The following PRKG1 variants were observed in gnomAD, a reference collection of about 807,000 sequenced individuals.
PRKG1 encodes protein kinase cGMP-dependent 1, also known as cGMP-dependent protein kinase 1.
In PRKG1, 35 loss-of-function variants were observed where a neutral mutation model predicts 88.1. The observed-to-expected ratio is 0.40, with a 90% CI of 0.30 to 0.53. The LOEUF is 0.53. Among genes scored for constraint, PRKG1 ranks in the 20% least tolerant of loss-of-function variants. PRKG1 has a pLI of 0.59. For missense variants in PRKG1, 540 were observed against 839.8 expected (o/e 0.64, Z 4.41); for synonymous variants, 303 against 292.5 (o/e 1.04, Z -0.37).
At chr10:52,081,437 T>C (rs902991727) in intron 7 of PRKG1, among the ~76,000 whole-genome samples, 2 of 152,334 alleles carry the variant, frequency 1.3e-5, no homozygotes, top group African/African-American at 2.4e-5. Flanking sequence ...AGACAGATCC[T>C]GATAAATGTT....
At chr10:52,000,515 C>T (rs1355202828) in intron 5 of PRKG1, among the ~76,000 whole-genome samples, 1 of 151,962 alleles carries the variant, frequency 6.6e-6, no homozygotes, top group Non-Finnish European at 1.5e-5. Context: ...CGAACATGGC[C>T]TGTATTTTGT....
In PRKG1 at chr10:52,217,352, C is replaced by CTATCTA. The variant is rs1554818276; in HGVS notation, c.1077-34215_1077-34214insCTATAT. Among the ~76,000 whole-genome samples, 677 of 150,010 alleles carry CTATCTA rather than the reference C, an allele frequency of 4.5e-3. 3 individuals are homozygous for CTATCTA. The highest frequency in any genetic ancestry group is 0.015 in the African/African-American group (597 of 40,742). On this transcript the variant is annotated intron_variant, in intron 9 of 17. Coordinates refer to ENST00000373980, the MANE Select transcript of PRKG1 (RefSeq NM_006258.4). ...CGTACACATTTATATATCTATCTAT[C>CTATCTA]TATATATATATATACACATATACAC... is the stretch of plus-strand genomic sequence containing the variant.
chr10:52,131,264 T>C lies in PRKG1; in HGVS notation c.936-2576T>C, dbSNP rs562043427. Among the ~76,000 whole-genome samples the C allele has an allele frequency of 7.2e-5, 11 of 152,254 alleles. No homozygotes were observed. In the South Asian group the frequency reaches 2.3e-3, roughly 32 times the overall value. ...CTATGGTCCCGGCCCTCATAGGGTT[T>C]AGTGGAAGGAAGACAGAGTTATTAA... On this transcript the variant is annotated intron_variant, in intron 7 of 17. Coordinates refer to ENST00000373980, the MANE Select transcript of PRKG1 (RefSeq NM_006258.4).
At chr10:51,314,071 T>TCAC (rs1049052509) in intron 2 of PRKG1, among the ~76,000 whole-genome samples, 11 of 152,170 alleles carry the variant, frequency 7.2e-5, no homozygotes, top group Admixed American at 5.9e-4. Flanking sequence ...AGGCTGGTCC[T>TCAC]CACCTTTTTA....
At chr10:51,889,060 C>CTTTT (rs35369136) in intron 4 of PRKG1, among the ~76,000 whole-genome samples, 2 of 145,654 alleles carry the variant, frequency 1.4e-5, no homozygotes, top group African/African-American at 5.1e-5. Flanking sequence ...AACACACATT[C>CTTTT]TTTTTTTTTT....
At chr10:52,089,505 C>A (rs766053061) in intron 7 of PRKG1, among the ~76,000 whole-genome samples, 5 of 152,050 alleles carry the variant, frequency 3.3e-5, no homozygotes, top group Non-Finnish European at 7.4e-5. Context: ...ATCTTATATA[C>A]ATGTGCTAAT....
At chr10:51,636,165 A>G (rs1265276895) in intron 3 of PRKG1, among the ~76,000 whole-genome samples, 1 of 152,170 alleles carries the variant, frequency 6.6e-6, no homozygotes, top group African/African-American at 2.4e-5. Context: ...GTTTAAATGC[A>G]AGAGTTTGCA....
intron 2 of PRKG1, among the ~76,000 whole-genome samples, chr10:51,162,681 T>C (rs2131990672): frequency 6.6e-6 from 1 of 152,326 alleles, no homozygotes; most frequent in South Asian, 2.1e-4. Context: ...AAGTTATTCA[T>C]AAGAATATAT....
intron 3 of PRKG1, among the ~76,000 whole-genome samples, chr10:51,772,659 T>C (rs1589274734): frequency 6.6e-6 from 1 of 152,104 alleles, no homozygotes; most frequent in East Asian, 1.9e-4. Flanking sequence ...ATCTGTATTA[T>C]GTTTGCTTCT....
At chr10:51,418,542 A>G (rs1838311608) in intron 2 of PRKG1, among the ~76,000 whole-genome samples, 1 of 152,198 alleles carries the variant, frequency 6.6e-6, no homozygotes, top group South Asian at 2.1e-4. Context: ...TGGAAGCCCA[A>G]TCTTTTGATA....
At chr10:51,183,185 C>T (rs1199980098) in intron 2 of PRKG1, among the ~76,000 whole-genome samples, 1 of 152,140 alleles carries the variant, frequency 6.6e-6, no homozygotes, top group Non-Finnish European at 1.5e-5. Context: ...AATAATTATC[C>T]TGCTTTGTAT....
chr10:51,577,403 G>T (rs1837915171), intron 3 of PRKG1, among the ~76,000 whole-genome samples: 1 of 151,892 alleles, frequency 6.6e-6, no homozygotes, highest in African/African-American at 2.4e-5. Flanking sequence ...ACTTTATTTT[G>T]CTGTTTTAAA....
chr10:51,503,779 C>G (rs1293907909), intron 3 of PRKG1, among the ~76,000 whole-genome samples: 1 of 151,974 alleles, frequency 6.6e-6, no homozygotes, highest in African/African-American at 2.4e-5. Context: ...TTACAGTGTT[C>G]ATGGTAAAAT....
At chr10:51,641,376 G>A (rs1589153962) in intron 3 of PRKG1, among the ~76,000 whole-genome samples, 1 of 152,156 alleles carries the variant, frequency 6.6e-6, no homozygotes, top group South Asian at 2.1e-4. Flanking sequence ...CATCAGACAG[G>A]AACGGAACAA....
At chr10:51,706,855 ATATACT>A (rs1463334356) in intron 3 of PRKG1, among the ~76,000 whole-genome samples, 1 of 152,076 alleles carries the variant, frequency 6.6e-6, no homozygotes, top group Non-Finnish European at 1.5e-5. Flanking sequence ...GGAATACATG[ATATACT>A]TATATTTTTA....
chr10:51,087,858 G>A (rs1039507270), intron 1 of PRKG1, among the ~76,000 whole-genome samples: 10 of 152,090 alleles, frequency 6.6e-5, no homozygotes, highest in Non-Finnish European at 1.0e-4. Flanking sequence ...TCCGCCTCCC[G>A]GGATCAAGCG....
At chr10:52,046,364 G>A (rs1161908390) in intron 5 of PRKG1, among the ~76,000 whole-genome samples, 1 of 151,996 alleles carries the variant, frequency 6.6e-6, no homozygotes, top group Non-Finnish European at 1.5e-5. Context: ...TCTACACATG[G>A]AAAGCCCTTC....
At chr10:51,422,755 A>G (rs1193214406) in intron 2 of PRKG1, among the ~76,000 whole-genome samples, 1 of 151,922 alleles carries the variant, frequency 6.6e-6, no homozygotes, top group Non-Finnish European at 1.5e-5. Context: ...CTGGTGACCC[A>G]GCACTTCACG....
At chr10:51,710,921 C>T (rs1335628795) in intron 3 of PRKG1, among the ~76,000 whole-genome samples, 9 of 152,030 alleles carry the variant, frequency 5.9e-5, no homozygotes, top group Admixed American at 1.3e-4. Flanking sequence ...GTCTCGAACT[C>T]GTGGCCTCAA....
Sources: gnomAD v4.1 joint callset for allele counts (sites outside exome capture counted in the v4.1 genomes callset) on GRCh38, gnomAD v4.1.1 for gene constraint, MANE v1.5 for transcripts, NCBI Gene and HGNC (gene_info 2026-07-23, HGNC 2026-07-21) for gene names.